CDH1: variants seen among roughly 807,000 people sequenced by gnomAD.
CDH1 encodes cadherin 1, also known as cadherin-1.
Under a neutral mutation model 84.5 loss-of-function variants are expected in CDH1, and 35 were observed. The observed-to-expected ratio is 0.41, with a 90% CI of 0.32 to 0.55. The LOEUF is 0.55. Ranked by LOEUF, CDH1 falls within the 20% of genes least tolerant of loss-of-function variation. The pLI, the probability that CDH1 is intolerant of heterozygous loss-of-function variation, is 0.19. For missense variants in CDH1, 994 were observed against 1,126.6 expected (o/e 0.88, Z 1.68); for synonymous variants, 417 against 439.0 (o/e 0.95, Z 0.63).
rs587782162 is a variant in CDH1 at position 68,829,756 on chromosome 16, C to T, written c.2398C>T (p.Arg800Cys). ...CATGAGTGTCCCCCGGTATCTTCCC[C>T]GCCCTGCCAATCCCGATGAAATTGG... ...TLMSVPRYLP[R>C]PANPDEIGNF... The change falls in exon 15 of 16, where the codon CGC becomes TGC. Residue 800 changes from arginine to cysteine, a missense_variant. Arg to Cys is a radical substitution (Grantham distance 180, BLOSUM62 -3). Coordinates refer to ENST00000261769, the MANE Select transcript of CDH1 (RefSeq NM_004360.5). The T allele has an allele frequency of 1.6e-5, 26 of 1,613,944 alleles. No homozygotes were observed. The highest frequency in any genetic ancestry group is 1.9e-5 in the Non-Finnish European group (23 of 1,180,014).
chr16:68,828,090 G>A lies in CDH1; in HGVS notation c.2165-84G>A, dbSNP rs2152141276. On this transcript the variant is annotated intron_variant, in intron 13 of 15. Transcript: ENST00000261769. ...TGTCTAACTGCCCCCTGTCTGGTATGAGGGGTGCTCTGTGATAGCTGCTGC... is the reference window on the plus strand; with the variant it reads ...TGTCTAACTGCCCCCTGTCTGGTATAAGGGGTGCTCTGTGATAGCTGCTGC... The A allele has an allele frequency of 2.0e-6, 3 of 1,504,434 alleles. No homozygotes were observed. In the South Asian group the frequency reaches 3.4e-5, roughly 17 times the overall value. The allele number at this position is 1,504,434 out of a possible 1,614,324, so 93.2% of individuals were successfully genotyped here. A position where few individuals can be genotyped will look rare whatever the true frequency, so the allele number is the denominator to read the frequency against.
At chr16:68,801,579 G>T in intron 2 of CDH1, 91 bp from the exon 3 acceptor site, 1 of 1,012,848 alleles carries the variant, frequency 9.9e-7, no homozygotes, top group Non-Finnish European at 1.6e-6. Flanking sequence ...TGGTTTTGTG[G>T]GAGTCTTCCC....
At chr16:68,804,207 G>A (rs979500117) in intron 3 of CDH1, among the ~76,000 whole-genome samples, 3 of 140,776 alleles carry the variant, frequency 2.1e-5, no homozygotes, top group Admixed American at 7.6e-5. Flanking sequence ...TCCACCTCCC[G>A]GATTCATGCC....
rs367849039 is a variant in CDH1 at position 68,822,153 on chromosome 16, A to C, written c.1864A>C (p.Asn622His). The C allele has an allele frequency of 1.2e-6, 2 of 1,614,114 alleles. No homozygotes were observed. The highest frequency in any genetic ancestry group is 1.1e-5 in the South Asian group (1 of 91,074). Residue 622 changes from asparagine (N) to histidine (H), a missense_variant, in exon 12 of 16, where the codon AAT becomes CAT. Coordinates refer to ENST00000261769, the MANE Select transcript of CDH1 (RefSeq NM_004360.5). Reference sequence around the variant, plus strand: ...CATCATTGATGCAGACCTTCCTCCCAATACATCTCCCTTCACAGCAGAACT... The same window carrying C: ...CATCATTGATGCAGACCTTCCTCCCCATACATCTCCCTTCACAGCAGAACT... ...INIIDADLPP[N>H]TSPFTAELTH...
rs552790614 is a variant in CDH1, at chr16:68,761,958, C to T, written c.163+23547C>T. Among the ~76,000 whole-genome samples, 133 of 152,318 alleles carry T rather than the reference C, an allele frequency of 8.7e-4. 1 individual carries two copies. The highest frequency in any genetic ancestry group is 3.1e-3 in the African/African-American group (129 of 41,570). On this transcript the variant is annotated intron_variant, in intron 2 of 15. Transcript: ENST00000261769. ...ACTCCTCTGGTCCTTTAGCCCAGAT[C>T]CACCGGCTGCCTCCTCCTGCCAGTT... is the stretch of plus-strand genomic sequence containing the variant.
chr16:68,808,097 A>T (rs1960714124), intron 3 of CDH1, among the ~76,000 whole-genome samples: 1 of 152,212 alleles, frequency 6.6e-6, no homozygotes, highest in Non-Finnish European at 1.5e-5. Flanking sequence ...GAGATTATGT[A>T]GGCTTGAAAC....
chr16:68,792,231 C>CA lies in CDH1; in HGVS notation c.164-9439_164-9438insA, dbSNP rs1555513734. Among the ~76,000 whole-genome samples the CA allele has an allele frequency of 8.8e-5, 10 of 113,594 alleles. No homozygotes were observed. The East Asian group carries it at 2.7e-3, about 30-fold the overall frequency. 74.5% of individuals were successfully genotyped at this position (113,594 alleles called of 152,430 possible). A position where few individuals can be genotyped will look rare whatever the true frequency, so the allele number is the denominator to read the frequency against. ...GCACCACACCCGGCCTAAACACTGACTTTTTTTTTTTTTTTTGAGATGGAG... is the reference window on the plus strand; with the variant it reads ...GCACCACACCCGGCCTAAACACTGACATTTTTTTTTTTTTTTTGAGATGGAG... On this transcript the variant is annotated intron_variant, in intron 2 of 15. Coordinates refer to ENST00000261769, the MANE Select transcript of CDH1 (RefSeq NM_004360.5).
rs587782044 is a variant in CDH1 at position 68,819,401 on chromosome 16, G to T, written c.1687G>T (p.Ala563Ser). 6.2e-6 allele frequency: 10 copies of T among 1,613,628 alleles called. No individual in the cohort carries two copies. The Admixed American group carries it at 6.7e-5, about 11-fold the overall frequency. Residue 563 changes from alanine to serine, a missense_variant, in exon 11 of 16, where the codon GCC (alanine) becomes TCC (serine). Ala to Ser is a moderately conservative substitution (Grantham distance 99). Transcript: ENST00000261769. ...GCACGTGAAGAACAGCACGTACACA[G>T]CCCTAATCATAGCTACAGACAATGG... Reference protein sequence around the residue: ...FEHVKNSTYTALIIATDNGSP... With the variant: ...FEHVKNSTYTSLIIATDNGSP...
chr16:68,764,958 A>G (rs1217543587), intron 2 of CDH1, among the ~76,000 whole-genome samples: 1 of 152,178 alleles, frequency 6.6e-6, no homozygotes, highest in Non-Finnish European at 1.5e-5. Context: ...GGAAAGAGGC[A>G]TCACTTTTAT....
rs1006449476 is a variant in CDH1, at chr16:68,795,321, A to G, written c.164-6349A>G. On this transcript the variant is annotated intron_variant, in intron 2 of 15. Coordinates refer to ENST00000261769, the MANE Select transcript of CDH1 (RefSeq NM_004360.5). ...TGTCTCCCCAGGATTCCTTTCATCC[A>G]TCAAGTTAGATTTCTTTTTTTTTAT... Among the ~76,000 whole-genome samples the G allele has an allele frequency of 7.2e-5, 11 of 152,124 alleles. No individual in the cohort carries two copies. In the South Asian group the frequency reaches 2.3e-3, roughly 31 times the overall value.
chr16:68,763,341 GA>G (rs1339157127), intron 2 of CDH1: 1 of 152,410 alleles, frequency 6.6e-6, no homozygotes, highest in Non-Finnish European at 1.5e-5. Context: ...GGTGCTGGGG[GA>G]AGAAGTCCAA....
intron 3 of CDH1, among the ~76,000 whole-genome samples, chr16:68,807,686 C>T (rs993174271): frequency 4.6e-5 from 7 of 151,746 alleles, no homozygotes; most frequent in Non-Finnish European, 7.4e-5. Context: ...AAGACCCTGT[C>T]TCTATTTAAA....
chr16:68,759,304 C>G (rs1424917489), intron 2 of CDH1, among the ~76,000 whole-genome samples: 1 of 151,988 alleles, frequency 6.6e-6, no homozygotes, highest in Non-Finnish European at 1.5e-5. Context: ...TCAAGACCAG[C>G]CTGGGCAACA....
At chr16:68,774,659 C>G (rs1283440218) in intron 2 of CDH1, among the ~76,000 whole-genome samples, 1 of 152,026 alleles carries the variant, frequency 6.6e-6, no homozygotes, top group Non-Finnish European at 1.5e-5. Context: ...CAGCCTGGAC[C>G]CTTTGCAATG....
At position 68,829,518 on chromosome 16, in the gene CDH1, T is replaced by C. The variant is rs1007418818; in HGVS notation, c.2296-136T>C. Reference sequence around the variant, plus strand: ...ACTTTTAGCTTGAAAACTGTCATTTTGCATTAAACTGGTAAAGATCATACA... The same window carrying C: ...ACTTTTAGCTTGAAAACTGTCATTTCGCATTAAACTGGTAAAGATCATACA... On this transcript the variant is annotated intron_variant, in intron 14 of 15. Coordinates refer to ENST00000261769, the MANE Select transcript of CDH1 (RefSeq NM_004360.5). 30 of 894,200 alleles carry C rather than the reference T, an allele frequency of 3.4e-5. No homozygotes were observed. The East Asian group carries it at 6.3e-4, about 19-fold the overall frequency. The allele number at this position is 894,200 out of a possible 1,614,324, so 55.4% of individuals were successfully genotyped here.
chr16:68,819,838 C>T (rs575812966), intron 11 of CDH1, among the ~76,000 whole-genome samples: 16 of 152,128 alleles, frequency 1.1e-4, no homozygotes, highest in Non-Finnish European at 1.9e-4. Context: ...ACAATGGCCT[C>T]CAGTTTCATC....
intron 15 of CDH1, among the ~76,000 whole-genome samples, chr16:68,832,136 G>T (rs534869637): frequency 2.6e-5 from 4 of 152,122 alleles, no homozygotes; most frequent in African/African-American, 9.6e-5. Context: ...TTCGCTTAAG[G>T]GAGGAGAGAG....
Position 68,822,154 on chromosome 16 carries a change from A to C in CDH1, c.1865A>C (p.Asn622Thr). ...INIIDADLPPNTSPFTAELTH... is the reference protein window; with the variant it reads ...INIIDADLPPTTSPFTAELTH... ...ATCATTGATGCAGACCTTCCTCCCA[A>C]TACATCTCCCTTCACAGCAGAACTA... Residue 622 changes from asparagine (N) to threonine (T), a missense_variant, in exon 12 of 16, where the codon AAT (asparagine) becomes ACT (threonine). Around this residue, in one of 3 missense-constraint regions of CDH1, gnomAD observed 769 missense variants for 881.8 expected, o/e 0.87. Transcript: ENST00000261769. 1 of 1,614,118 alleles carries C rather than the reference A, an allele frequency of 6.2e-7. No homozygotes were observed. Among genetic ancestry groups the C allele is most frequent in the Non-Finnish European group, 8.5e-7 (1 of 1,180,030 alleles).
intron 2 of CDH1, among the ~76,000 whole-genome samples, chr16:68,755,953 G>A (rs1282675914): frequency 6.6e-6 from 1 of 151,134 alleles, no homozygotes; most frequent in Non-Finnish European, 1.5e-5. Context: ...TCGTAGAGAC[G>A]GGGTTTCACC....
Sources: allele counts gnomAD v4.1 joint callset (sites outside exome capture counted in the v4.1 genomes callset), GRCh38; gene constraint gnomAD v4.1.1; regional missense constraint gnomAD v4.1.1; transcripts MANE v1.5; gene names NCBI Gene and HGNC (gene_info 2026-07-23, HGNC 2026-07-21).